MYH15: variants seen among roughly 807,000 people sequenced by gnomAD.
MYH15 encodes the protein myosin-15.
In MYH15, 227 loss-of-function variants were observed where a neutral mutation model predicts 240.5. The observed-to-expected ratio is 0.94, with a 90% CI of 0.85 to 1.05. MYH15 has a LOEUF of 1.05. Among genes scored for constraint, MYH15 ranks in the 50% least tolerant of loss-of-function variants. MYH15 has a pLI of 0.00. For missense variants in MYH15, 2,217 were observed against 2,247.5 expected (o/e 0.99, Z 0.27); for synonymous variants, 785 against 796.7 (o/e 0.99, Z 0.25).
intron 28 of MYH15, among the ~76,000 whole-genome samples, chr3:108,417,330 C>T (rs1416281627): frequency 6.6e-6 from 1 of 152,156 alleles, no homozygotes; most frequent in Non-Finnish European, 1.5e-5. Context: ...GAAACATACA[C>T]AGTTCGTAAT....
intron 21 of MYH15, among the ~76,000 whole-genome samples, chr3:108,447,393 T>C (rs1296231454): frequency 6.6e-6 from 1 of 151,566 alleles, no homozygotes; most frequent in Non-Finnish European, 1.5e-5. Flanking sequence ...GTAGATCAAA[T>C]ATAAAGAGAT....
At chr3:108,457,930 A>G (rs934902579) in intron 18 of MYH15, among the ~76,000 whole-genome samples, 2 of 152,184 alleles carry the variant, frequency 1.3e-5, no homozygotes, top group Non-Finnish European at 2.9e-5. Flanking sequence ...GCTACACAGG[A>G]GGCTGAGGTA....
At chr3:108,429,448 A>G (rs1485851722) in intron 26 of MYH15, among the ~76,000 whole-genome samples, 1 of 152,198 alleles carries the variant, frequency 6.6e-6, no homozygotes, top group Non-Finnish European at 1.5e-5. Context: ...ATAACAAACG[A>G]GAGCTGGTGA....
At chr3:108,512,951 G>A (rs953118113), upstream of MYH15, among the ~76,000 whole-genome samples, 2 of 152,216 alleles carry the variant, frequency 1.3e-5, no homozygotes, top group East Asian at 1.9e-4. Context: ...AAAAAGGATC[G>A]AAATCCTTCT....
chr3:108,383,913 AT>A (rs1016809803), intron 39 of MYH15, among the ~76,000 whole-genome samples, 184 bp from the exon 40 acceptor site: 4 of 152,134 alleles, frequency 2.6e-5, no homozygotes, highest in African/African-American at 7.2e-5. Context: ...TATAAGATCC[AT>A]TTTTTTATAA....
At chr3:108,382,755 C>T (rs2082352652) in intron 40 of MYH15, among the ~76,000 whole-genome samples, 1 of 152,014 alleles carries the variant, frequency 6.6e-6, no homozygotes, top group African/African-American at 2.4e-5. Flanking sequence ...GCTGGTGATG[C>T]ACCACGTTTA....
the MYH15 span, among the ~76,000 whole-genome samples, chr3:108,544,201 T>C: frequency 6.6e-6 from 1 of 152,230 alleles, no homozygotes; most frequent in African/African-American, 2.4e-5. Context: ...TTTTAATTTT[T>C]GAATTTTGTA....
chr3:108,526,815 C>T (rs1323597457), intron 1 of MYH15, among the ~76,000 whole-genome samples: 1 of 152,128 alleles, frequency 6.6e-6, no homozygotes, highest in African/African-American at 2.4e-5. Flanking sequence ...GAACATGAGT[C>T]TTGCATGTGG....
At chr3:108,483,285 T>C (rs982246799) in intron 11 of MYH15, among the ~76,000 whole-genome samples, 2 of 146,422 alleles carry the variant, frequency 1.4e-5, no homozygotes, top group African/African-American at 2.5e-5. Context: ...AGGACTTAAA[T>C]AGACATTTCT....
At chr3:108,527,546 T>C (rs2083682527) in intron 1 of MYH15, among the ~76,000 whole-genome samples, 1 of 152,202 alleles carries the variant, frequency 6.6e-6, no homozygotes, top group Non-Finnish European at 1.5e-5. Flanking sequence ...AAAAAAATCA[T>C]CTCCTATCTT....
At chr3:108,455,635 A>C (rs2083012304) in intron 20 of MYH15, 101 bp downstream of exon 20, 2 of 1,326,458 alleles carry the variant, frequency 1.5e-6, no homozygotes, top group African/African-American at 2.9e-5. Flanking sequence ...TGGTCATGAG[A>C]GCTGAAGAAT....
chr3:108,397,162 T>G (rs1160562266), intron 35 of MYH15, among the ~76,000 whole-genome samples: 1 of 152,212 alleles, frequency 6.6e-6, no homozygotes, highest in Non-Finnish European at 1.5e-5. Context: ...TCAAAATTCT[T>G]CAGTGGCTCT....
At chr3:108,539,963 C>T in the MYH15 span, among the ~76,000 whole-genome samples, 1 of 152,006 alleles carries the variant, frequency 6.6e-6, no homozygotes, top group Non-Finnish European at 1.5e-5. Flanking sequence ...TAGAATAATA[C>T]CAAGCCCTGA....
chr3:108,403,130 CAT>C (rs1340087681), intron 33 of MYH15, among the ~76,000 whole-genome samples: 1 of 152,194 alleles, frequency 6.6e-6, no homozygotes, highest in East Asian at 1.9e-4. Context: ...ACAAGTGAAA[CAT>C]ATCACATACA....
chr3:108,408,658 G>C lies in MYH15; in HGVS notation c.4496-254C>G, dbSNP rs187153894. Among the ~76,000 whole-genome samples, 176 of 152,276 alleles carry C rather than the reference G, an allele frequency of 1.2e-3. 1 individual carries two copies. Among genetic ancestry groups the C allele is most frequent in the Non-Finnish European group, 1.6e-3 (107 of 68,018 alleles). ...GTGGTGCTTCAGAGTATTGTACACT[G>C]GACAACTTTTGCAACTTTTACATGA... On this transcript the variant is annotated intron_variant, in intron 31 of 40. Transcript: ENST00000693548.
At chr3:108,457,615 G>A (rs1007639468) in intron 18 of MYH15, among the ~76,000 whole-genome samples, 2 of 147,334 alleles carry the variant, frequency 1.4e-5, no homozygotes, top group Non-Finnish European at 3.0e-5. Context: ...TTCCTACTAT[G>A]GTATTACATG....
In MYH15 at chr3:108,470,213, C is replaced by A; in HGVS notation, c.1384-1G>T. ...TGCAAAGTTGCTCAAGGCTATTATA[C>A]TTCAAGGATATGAATAGGTAAGAAG... On this transcript the variant is annotated splice_acceptor_variant, in intron 13 of 40. Transcript: ENST00000693548. LOFTEE classifies it high-confidence loss of function. The A allele has an allele frequency of 6.3e-7, 1 of 1,591,210 alleles. No individual in the cohort carries two copies. Among genetic ancestry groups the A allele is most frequent in the Non-Finnish European group, 8.6e-7 (1 of 1,168,686 alleles).
chr3:108,475,479 G>C (rs2083212481), intron 12 of MYH15, among the ~76,000 whole-genome samples: 1 of 152,090 alleles, frequency 6.6e-6, no homozygotes, highest in Non-Finnish European at 1.5e-5. Flanking sequence ...TCTTACCAAT[G>C]GACTGTTAGT....
In MYH15 at chr3:108,410,596, G is replaced by A; in HGVS notation, c.4482C>T (p.Asn1494=). Residue 1494 remains asparagine (N), a synonymous_variant, in exon 31 of 41, where the codon AAC becomes AAT. Coordinates refer to ENST00000693548, the MANE Select transcript of MYH15 (RefSeq NM_014981.3). ...IVGQETLRRE[N]KNLQEEISNL... The stretch of plus-strand genomic sequence containing the variant: ...AGCTCGGTGTACCTTGGAGGTTCTT[G>A]TTCTCCCTCCTGAGTGTCTCCTGGC... The A allele has an allele frequency of 2.5e-6, 4 of 1,591,564 alleles. No individual in the cohort carries two copies. The highest frequency in any genetic ancestry group is 1.1e-5 in the South Asian group (1 of 89,768).
Sources: allele counts gnomAD v4.1 joint callset (sites outside exome capture counted in the v4.1 genomes callset), GRCh38; gene constraint gnomAD v4.1.1; transcripts MANE v1.5; gene names NCBI Gene and HGNC (gene_info 2026-07-23, HGNC 2026-07-21).